Variants in HS2ST1 observed in about 807,000 individuals in gnomAD.
The protein encoded by HS2ST1 is heparan sulfate 2-O-sulfotransferase 1, also known as 2-O-sulfotransferase.
A neutral mutation model predicts 42.9 loss-of-function variants in HS2ST1; 18 were observed. That is an observed-to-expected ratio of 0.42 (90% CI 0.29 to 0.62). HS2ST1 has a LOEUF of 0.62. HS2ST1 is among the 20% of genes least tolerant of loss of function. The pLI, the probability that HS2ST1 is intolerant of heterozygous loss-of-function variation, is 0.21. For synonymous variants in HS2ST1, 146 were observed against 152.9 expected (o/e 0.95, Z 0.33); for missense variants, 334 against 433.8 (o/e 0.77, Z 2.04).
intron 1 of HS2ST1, among the ~76,000 whole-genome samples, chr1:86,944,599 C>T (rs1253981699): frequency 6.6e-6 from 1 of 152,082 alleles, no homozygotes; most frequent in Non-Finnish European, 1.5e-5. Flanking sequence ...AAGTGATCCA[C>T]CACCTTGGTC....
chr1:87,101,829 C>G (rs1224489216), intron 5 of HS2ST1, among the ~76,000 whole-genome samples: 1 of 152,148 alleles, frequency 6.6e-6, no homozygotes, highest in Non-Finnish European at 1.5e-5. Flanking sequence ...TTAGGCCATT[C>G]TTACATTACT....
At chr1:87,045,347 T>A in intron 1 of HS2ST1, 1 of 1,314,626 alleles carries the variant, frequency 7.6e-7, no homozygotes, top group Non-Finnish European at 1.1e-6. Flanking sequence ...CTTCTTGTGA[T>A]TATTAGCTTC....
intron 6 of HS2ST1, 70 bp from the exon 7 acceptor site, chr1:87,104,400 A>G (rs1652283960): frequency 1.1e-6 from 1 of 926,146 alleles, no homozygotes; most frequent in Admixed American, 2.0e-5. Context: ...CTTCAAATAA[A>G]GAGGCATTGA....
chr1:87,060,013 G>T (rs1401002892), intron 1 of HS2ST1, among the ~76,000 whole-genome samples: 2 of 152,014 alleles, frequency 1.3e-5, no homozygotes, highest in Non-Finnish European at 2.9e-5. Context: ...TGTATGTTGT[G>T]ATTTTTTTTC....
chr1:87,064,986 G>C (rs1409536952), intron 1 of HS2ST1, among the ~76,000 whole-genome samples: 1 of 152,146 alleles, frequency 6.6e-6, no homozygotes, highest in Non-Finnish European at 1.5e-5. Flanking sequence ...ATACTCTTAA[G>C]AAAATAGTGT....
chr1:86,922,961 C>T (rs1022580829), intron 1 of HS2ST1, among the ~76,000 whole-genome samples: 2 of 152,136 alleles, frequency 1.3e-5, no homozygotes, highest in African/African-American at 2.4e-5. Context: ...AATACACTTA[C>T]ATTAGACCAC....
At chr1:86,964,908 C>T (rs1229270798) in intron 1 of HS2ST1, among the ~76,000 whole-genome samples, 1 of 152,100 alleles carries the variant, frequency 6.6e-6, no homozygotes, top group African/African-American at 2.4e-5. Context: ...CTGATGATGT[C>T]CCGTGTGCTT....
chr1:87,059,420 G>C (rs768135860), intron 1 of HS2ST1, among the ~76,000 whole-genome samples: 1 of 152,140 alleles, frequency 6.6e-6, no homozygotes, highest in Non-Finnish European at 1.5e-5. Flanking sequence ...ATTTGTTACA[G>C]TGGCATTTGT....
At chr1:86,996,548 G>A (rs1156459798) in intron 1 of HS2ST1, among the ~76,000 whole-genome samples, 2 of 151,642 alleles carry the variant, frequency 1.3e-5, no homozygotes, top group Admixed American at 1.3e-4. Context: ...AGATGGTCCA[G>A]TCTCATACTG....
At chr1:87,053,231 G>A (rs1425104155) in intron 1 of HS2ST1, among the ~76,000 whole-genome samples, 2 of 152,262 alleles carry the variant, frequency 1.3e-5, no homozygotes, top group African/African-American at 4.8e-5. Context: ...GTTGAAGTGT[G>A]AAAATAATTT....
chr1:87,048,745 C>T (rs536769521), intron 1 of HS2ST1, among the ~76,000 whole-genome samples: 6 of 152,204 alleles, frequency 3.9e-5, no homozygotes, highest in African/African-American at 9.6e-5. Context: ...AAGATGAATA[C>T]GTGGTCTTTA....
chr1:86,970,343 A>T (rs758298864), intron 1 of HS2ST1, among the ~76,000 whole-genome samples: 3 of 152,194 alleles, frequency 2.0e-5, no homozygotes, highest in Non-Finnish European at 2.9e-5. Flanking sequence ...GAATAAAAAA[A>T]CTGAATGAAA....
intron 1 of HS2ST1, among the ~76,000 whole-genome samples, chr1:87,029,405 C>T (rs943264286): frequency 1.3e-5 from 2 of 152,116 alleles, no homozygotes; most frequent in Non-Finnish European, 2.9e-5. Context: ...TAATGTCATT[C>T]AGCAGGGCGT....
Position 86,934,241 on chromosome 1 carries a change from G to C in HS2ST1, c.124+19081G>C, listed in dbSNP as rs1381585607. 3.9e-5 allele frequency among the ~76,000 whole-genome samples: 6 copies of C among 152,126 alleles called. No individual in the cohort carries two copies. The East Asian group carries it at 1.2e-3, about 29-fold the overall frequency. On this transcript the variant is annotated intron_variant, in intron 1 of 6. Transcript: ENST00000370550. Reference sequence around the variant, plus strand: ...AGGGGAGGCTACTGTAGTTTCTTTTGAGGACAGGTCTTTGTTATTGAGAAC... The same window carrying C: ...AGGGGAGGCTACTGTAGTTTCTTTTCAGGACAGGTCTTTGTTATTGAGAAC...
chr1:86,994,683 C>G (rs557602389), intron 1 of HS2ST1, among the ~76,000 whole-genome samples: 2 of 151,696 alleles, frequency 1.3e-5, no homozygotes, highest in African/African-American at 4.8e-5. Context: ...GTGGTTAAGT[C>G]CAATTCTGGG....
At chr1:86,954,344 G>A (rs1034994814) in intron 1 of HS2ST1, among the ~76,000 whole-genome samples, 5 of 151,770 alleles carry the variant, frequency 3.3e-5, no homozygotes, top group African/African-American at 9.7e-5. Flanking sequence ...GCAAGACTCT[G>A]TCTCCAAAAA....
In HS2ST1 at chr1:87,104,514, A is replaced by G. The variant is rs1390292605; in HGVS notation, c.889A>G (p.Thr297Ala). The G allele has an allele frequency of 2.5e-6, 4 of 1,613,486 alleles. No individual in the cohort carries two copies. Among genetic ancestry groups the G allele is most frequent in the Non-Finnish European group, 3.4e-6 (4 of 1,179,486 alleles). The change falls in exon 7 of 7, where the codon ACT becomes GCT. Residue 297 changes from threonine to alanine, a missense_variant. Coordinates refer to ENST00000370550, the MANE Select transcript of HS2ST1 (RefSeq NM_012262.4). ...LRKTTEKKLP[T>A]KQTIAKLQQS... ...GAAAACCACAGAGAAGAAACTCCCC[A>G]CTAAACAAACCATTGCAAAACTACA...
intron 1 of HS2ST1, among the ~76,000 whole-genome samples, chr1:87,054,744 G>A (rs1034726535): frequency 3.3e-5 from 5 of 152,060 alleles, no homozygotes; most frequent in Non-Finnish European, 5.9e-5. Context: ...GCACTCTATC[G>A]GCCAGCTGGA....
chr1:86,981,713 T>G (rs1472336051), intron 1 of HS2ST1, among the ~76,000 whole-genome samples: 1 of 152,266 alleles, frequency 6.6e-6, no homozygotes, highest in Non-Finnish European at 1.5e-5. Flanking sequence ...CCCTTGTGGC[T>G]CTGCAGGGTA....
Sources: gnomAD v4.1 joint callset for allele counts (sites outside exome capture counted in the v4.1 genomes callset) on GRCh38, gnomAD v4.1.1 for gene constraint, MANE v1.5 for transcripts, NCBI Gene and HGNC (gene_info 2026-07-23, HGNC 2026-07-21) for gene names.